Variants in CLHC1 observed in about 807,000 individuals in gnomAD.
CLHC1 encodes the protein clathrin heavy chain linker domain containing 1.
A neutral mutation model predicts 69.5 loss-of-function variants in CLHC1; 72 were observed. That is an observed-to-expected ratio of 1.04 (90% CI 0.86 to 1.26). CLHC1 has a LOEUF of 1.26. Ranked by LOEUF, CLHC1 falls within the 50% of genes most tolerant of loss-of-function variation. The pLI is 0.00. For missense variants in CLHC1, 790 were observed against 679.3 expected (o/e 1.16, Z -1.81); for synonymous variants, 223 against 224.3 (o/e 0.99, Z 0.05).
rs532918796 is a variant in CLHC1 at position 55,199,091 on chromosome 2, G to C, written c.1006+7179C>G. Among the ~76,000 whole-genome samples, 20 of 152,086 alleles carry C rather than the reference G, an allele frequency of 1.3e-4. No individual in the cohort carries two copies. In the South Asian group the frequency reaches 3.9e-3, roughly 30 times the overall value. On this transcript the variant is annotated intron_variant, in intron 9 of 12. Coordinates refer to ENST00000401408, the MANE Select transcript of CLHC1 (RefSeq NM_152385.4). Reference sequence around the variant, plus strand: ...GTGGGAGGACTGCCTGAGTTCAGGAGTTCACAACCAGCCTGGGCAACATGG... The same window carrying C: ...GTGGGAGGACTGCCTGAGTTCAGGACTTCACAACCAGCCTGGGCAACATGG...
intron 3 of CLHC1, 31 bp downstream of exon 3, chr2:55,222,204 A>G: frequency 6.5e-7 from 1 of 1,530,324 alleles, no homozygotes; most frequent in Non-Finnish European, 9.0e-7. Flanking sequence ...ATCCTCATGA[A>G]AACTTAATTG....
chr2:55,198,070 T>C (rs759587922), intron 9 of CLHC1, among the ~76,000 whole-genome samples: 5 of 152,162 alleles, frequency 3.3e-5, no homozygotes, highest in Admixed American at 6.5e-5. Context: ...TGCTGAAGAA[T>C]GCATCAAAGT....
intron 8 of CLHC1, among the ~76,000 whole-genome samples, chr2:55,208,162 T>C (rs1465705882): frequency 1.3e-5 from 2 of 152,174 alleles, no homozygotes; most frequent in African/African-American, 4.8e-5. Context: ...ACAGGCTGGG[T>C]TTCCCTTATC....
chr2:55,182,974 A>G (rs1483544292), intron 9 of CLHC1, among the ~76,000 whole-genome samples: 1 of 152,160 alleles, frequency 6.6e-6, no homozygotes, highest in Non-Finnish European at 1.5e-5. Flanking sequence ...ACAAAGACTA[A>G]AGCAGTAAAC....
rs1011475352 is a variant in CLHC1, at chr2:55,173,111, T to C, written c.*2679A>G. Among the ~76,000 whole-genome samples the C allele has an allele frequency of 1.3e-5, 2 of 152,228 alleles. No individual in the cohort carries two copies. The highest frequency in any genetic ancestry group is 2.9e-5 in the Non-Finnish European group (2 of 68,032). On this transcript the variant is annotated 3_prime_UTR_variant, in exon 13 of 13. Coordinates refer to ENST00000401408, the MANE Select transcript of CLHC1 (RefSeq NM_152385.4). ...AACTTAGTTCATCATGACCCTTGCT[T>C]TGCAACTGCTATGTAAAGCAATCAA...
chr2:55,215,347 T>C (rs374021242), intron 4 of CLHC1, among the ~76,000 whole-genome samples: 4 of 152,340 alleles, frequency 2.6e-5, no homozygotes, highest in African/African-American at 7.2e-5. Context: ...CTCTTCATTG[T>C]AGAGCTGTGA....
chr2:55,217,857 T>C lies in CLHC1; in HGVS notation c.319A>G (p.Thr107Ala). Residue 107 changes from threonine to alanine, a missense_variant, in exon 4 of 13, where the codon ACA becomes GCA. Physicochemically the swap from Thr to Ala is moderately conservative, Grantham distance 58 (BLOSUM62 0). Transcript: ENST00000401408. ...GKLKGLAAEP[T>A]ALVYYRKRTI... ...CTTTTCCTGTAATATACCAAAGCTG[T>C]AGGCTCTGCTGCCAAACCTTTAAGT... 6.2e-7 allele frequency: 1 copy of C among 1,605,478 alleles called. No homozygotes were observed. The highest frequency in any genetic ancestry group is 8.5e-7 in the Non-Finnish European group (1 of 1,177,214).
Position 55,212,587 on chromosome 2 carries a change from T to C in CLHC1, c.499+86A>G, listed in dbSNP as rs1573729541. Reference sequence around the variant, plus strand: ...CACACATGTGCAAGATGCACATACATCAGCACATTTATATTAATGCATGCC... The same window carrying C: ...CACACATGTGCAAGATGCACATACACCAGCACATTTATATTAATGCATGCC... On this transcript the variant is annotated intron_variant, in intron 5 of 12. Transcript: ENST00000401408. 6.7e-6 allele frequency: 7 copies of C among 1,046,020 alleles called. No individual in the cohort carries two copies. In the East Asian group the frequency reaches 1.4e-4, roughly 21 times the overall value. The allele number at this position is 1,046,020 out of a possible 1,614,324, so 64.8% of individuals were successfully genotyped here. A position where few individuals can be genotyped will look rare whatever the true frequency, so the allele number is the denominator to read the frequency against.
At chr2:55,183,688 A>G (rs967131620) in intron 9 of CLHC1, among the ~76,000 whole-genome samples, 2 of 152,234 alleles carry the variant, frequency 1.3e-5, no homozygotes, top group East Asian at 3.8e-4. Context: ...TGGTGCTAAA[A>G]ACCCCTAAAG....
chr2:55,181,690 A>C lies in CLHC1; in HGVS notation c.1061T>G (p.Leu354Arg), dbSNP rs755733913. Residue 354 changes from leucine to arginine, a missense_variant, in exon 10 of 13, where the codon CTC (leucine) becomes CGC (arginine). By Grantham distance (102) the Leu-to-Arg change is moderately radical. Transcript: ENST00000401408. ...PLPLLLFFEA[L>R]FITSHAFPCP... ...TGGAAAAGCATGACTTGTGATAAAG[A>C]GGGCCTCAAAAAATAAGAGTAATGG... The C allele has an allele frequency of 1.9e-5, 30 of 1,613,814 alleles. No homozygotes were observed. The highest frequency in any genetic ancestry group is 5.3e-5 in the African/African-American group (4 of 74,902).
intron 9 of CLHC1, among the ~76,000 whole-genome samples, chr2:55,183,584 T>C (rs1004145303): frequency 4.6e-5 from 7 of 152,178 alleles, no homozygotes; most frequent in African/African-American, 1.7e-4. Flanking sequence ...TAATATATAA[T>C]ACCTATTTTT....
At chr2:55,225,594 G>T (rs1010873251) in intron 2 of CLHC1, 1 of 152,308 alleles carries the variant, frequency 6.6e-6, no homozygotes, top group Non-Finnish European at 1.5e-5. Context: ...CCCCAAGTCA[G>T]GAATGCTGTG....
rs12622455 is a variant in CLHC1 at position 55,204,838 on chromosome 2, A to G, written c.1006+1432T>C. Among the ~76,000 whole-genome samples, 81 of 152,322 alleles carry G rather than the reference A, an allele frequency of 5.3e-4. 2 individuals carry two copies. In the East Asian group the frequency reaches 0.013, roughly 24 times the overall value. ...GGTGAAATAAGCCAGGCACTGAAGGACAAACTTCACATGTTCTCACTTGTT... is the reference window on the plus strand; with the variant it reads ...GGTGAAATAAGCCAGGCACTGAAGGGCAAACTTCACATGTTCTCACTTGTT... On this transcript the variant is annotated intron_variant, in intron 9 of 12. Transcript: ENST00000401408.
intron 3 of CLHC1, chr2:55,218,461 C>G (rs1673793662): frequency 6.6e-6 from 1 of 152,252 alleles, no homozygotes; most frequent in South Asian, 2.1e-4. Context: ...TCAATATTCT[C>G]AATATCTAAT....
rs1669230636 is a variant in CLHC1, at chr2:55,174,694, T to C, written c.*1096A>G. ...TCCACTATAACATAAAAATACATAT[T>C]CAATTTAAATTTAGGATGGGAAAAG... On this transcript the variant is annotated 3_prime_UTR_variant, in exon 13 of 13. Transcript: ENST00000401408. 6.6e-6 allele frequency: 1 copy of C among 152,208 alleles called. No homozygotes were observed. Among genetic ancestry groups the C allele is most frequent in the East Asian group, 1.9e-4 (1 of 5,196 alleles). The allele number at this position is 152,208 out of a possible 1,614,324, so 9.4% of individuals were successfully genotyped here.
At chr2:55,209,305 G>A in intron 7 of CLHC1, 99 bp downstream of exon 7, 1 of 696,902 alleles carries the variant, frequency 1.4e-6, no homozygotes, top group South Asian at 1.9e-5. Context: ...GTATGATCTT[G>A]CTTTATTTAA....
At chr2:55,187,809 G>A (rs1450126605) in intron 9 of CLHC1, among the ~76,000 whole-genome samples, 1 of 151,974 alleles carries the variant, frequency 6.6e-6, no homozygotes, top group African/African-American at 2.4e-5. Flanking sequence ...GGAAAAGACT[G>A]ATAAATTCCA....
At chr2:55,222,157 A>G (rs1573771883) in intron 3 of CLHC1, 78 bp downstream of exon 3, 3 of 968,970 alleles carry the variant, frequency 3.1e-6, no homozygotes, top group Non-Finnish European at 4.8e-6. Context: ...TGGTGTTACT[A>G]AGGCAGGAAT....
intron 8 of CLHC1, 89 bp from the exon 9 acceptor site, chr2:55,206,465 A>G: frequency 1.4e-6 from 1 of 733,316 alleles, no homozygotes; most frequent in Non-Finnish European, 2.4e-6. Flanking sequence ...GACTAAATAT[A>G]GCGGCATAAC....
Sources: allele counts gnomAD v4.1 joint callset (sites outside exome capture counted in the v4.1 genomes callset), GRCh38; gene constraint gnomAD v4.1.1; transcripts MANE v1.5; gene names NCBI Gene and HGNC (gene_info 2026-07-23, HGNC 2026-07-21).